CADPS2: variants seen among roughly 807,000 people sequenced by gnomAD.
The protein encoded by CADPS2 is calcium-dependent secretion activator 2.
Under a neutral mutation model 172.5 loss-of-function variants are expected in CADPS2, and 93 were observed. That is an observed-to-expected ratio of 0.54 (90% CI 0.46 to 0.64). The LOEUF is 0.64. Ranked by LOEUF, CADPS2 falls within the 30% of genes least tolerant of loss-of-function variation. The pLI is 0.00. For synonymous variants in CADPS2, 546 were observed against 555.2 expected, an observed-to-expected ratio of 0.98 and a Z score of 0.23; for missense variants, 1,420 against 1,565.9, an observed-to-expected ratio of 0.91 and a Z score of 1.57.
intron 1 of CADPS2, among the ~76,000 whole-genome samples, chr7:122,843,836 G>A (rs1258518952): frequency 1.3e-5 from 2 of 152,118 alleles, no homozygotes; most frequent in African/African-American, 2.4e-5. Context: ...TGGCAGGCAA[G>A]GGTCAACAGG....
chr7:122,866,507 C>G (rs930521961), intron 1 of CADPS2, among the ~76,000 whole-genome samples: 2 of 152,134 alleles, frequency 1.3e-5, no homozygotes, highest in African/African-American at 4.8e-5. Flanking sequence ...TCCAGATCAG[C>G]CTAGCCAACA....
intron 14 of CADPS2, among the ~76,000 whole-genome samples, chr7:122,456,695 G>T (rs951826577): frequency 2.0e-5 from 3 of 152,100 alleles, no homozygotes; most frequent in Non-Finnish European, 4.4e-5. Flanking sequence ...TGATCTTAAC[G>T]TCTGCCTGTG....
At chr7:122,456,324 G>A (rs2053771972) in intron 14 of CADPS2, among the ~76,000 whole-genome samples, 1 of 151,858 alleles carries the variant, frequency 6.6e-6, no homozygotes, top group Non-Finnish European at 1.5e-5. Context: ...TGTTAAGTGG[G>A]ACTTAACTCT....
intron 28 of CADPS2, among the ~76,000 whole-genome samples, chr7:122,334,752 A>G (rs1031645623): frequency 6.6e-6 from 1 of 152,214 alleles, no homozygotes; most frequent in African/African-American, 2.4e-5. Context: ...TTGAAACAGT[A>G]TTGACTTTCA....
At chr7:122,827,077 G>A (rs1805114990) in intron 1 of CADPS2, among the ~76,000 whole-genome samples, 1 of 152,096 alleles carries the variant, frequency 6.6e-6, no homozygotes, top group Non-Finnish European at 1.5e-5. Context: ...AAACACCAAT[G>A]TCAAGAATGA....
intron 3 of CADPS2, among the ~76,000 whole-genome samples, chr7:122,645,677 A>ATC (rs1342419811): frequency 2.4e-5 from 2 of 84,228 alleles, no homozygotes; most frequent in African/African-American, 8.3e-5. Context: ...ATATATATAT[A>ATC]TATATCTTGG....
intron 22 of CADPS2, among the ~76,000 whole-genome samples, chr7:122,391,824 T>C (rs1486470299): frequency 1.3e-5 from 2 of 152,146 alleles, no homozygotes; most frequent in East Asian, 1.9e-4. Flanking sequence ...GGTAGAAAAG[T>C]AGCAAGTTCT....
intron 6 of CADPS2, among the ~76,000 whole-genome samples, chr7:122,594,172 C>G (rs1048888200): frequency 6.6e-6 from 1 of 151,890 alleles, no homozygotes; most frequent in South Asian, 2.1e-4. Context: ...TAGCAGCACA[C>G]ATCTGTAATC....
At chr7:122,472,232 T>C (rs1037471760) in intron 13 of CADPS2, among the ~76,000 whole-genome samples, 3 of 152,038 alleles carry the variant, frequency 2.0e-5, no homozygotes, top group Non-Finnish European at 4.4e-5. Context: ...TGATGAATTA[T>C]ATGGATTTAT....
intron 2 of CADPS2, chr7:122,699,039 C>G: frequency 1.5e-6 from 1 of 685,440 alleles, no homozygotes; most frequent in East Asian, 2.8e-5. Flanking sequence ...TGTCTTCCAG[C>G]ATGTTTTTGT....
intron 6 of CADPS2, chr7:122,585,516 A>G (rs1231337713): frequency 6.6e-6 from 1 of 151,078 alleles, no homozygotes; most frequent in African/African-American, 2.4e-5. Flanking sequence ...GCCTACCTTC[A>G]ATATTCACCA....
chr7:122,447,836 A>G (rs2052499223), intron 15 of CADPS2, among the ~76,000 whole-genome samples: 1 of 152,032 alleles, frequency 6.6e-6, no homozygotes, highest in South Asian at 2.1e-4. Context: ...TACAAGTGTG[A>G]GCCACTGCAC....
intron 13 of CADPS2, among the ~76,000 whole-genome samples, chr7:122,471,926 G>GA (rs1257899730): frequency 6.6e-6 from 1 of 152,132 alleles, no homozygotes; most frequent in Non-Finnish European, 1.5e-5. Context: ...CATTATAGAT[G>GA]AAATTTCCTG....
intron 1 of CADPS2, among the ~76,000 whole-genome samples, chr7:122,760,873 T>C (rs1012324669): frequency 6.7e-6 from 1 of 150,328 alleles, no homozygotes; most frequent in Non-Finnish European, 1.5e-5. Context: ...AATGACGAGT[T>C]ACTGGGTGCA....
chr7:122,783,799 G>A (rs1159789885), intron 1 of CADPS2, among the ~76,000 whole-genome samples: 3 of 152,220 alleles, frequency 2.0e-5, no homozygotes, highest in African/African-American at 4.8e-5. Flanking sequence ...GACCACATGA[G>A]TAAGTGAGCT....
chr7:122,535,699 T>A (rs1018380117), intron 8 of CADPS2, among the ~76,000 whole-genome samples: 3 of 152,116 alleles, frequency 2.0e-5, no homozygotes, highest in Admixed American at 2.0e-4. Flanking sequence ...GGATTTTTGA[T>A]AATAACTCAT....
chr7:122,663,137 G>A, intron 3 of CADPS2, 100 bp downstream of exon 3: 2 of 869,848 alleles, frequency 2.3e-6, no homozygotes, highest in Non-Finnish European at 3.5e-6. Flanking sequence ...TCCAAGTAAA[G>A]TGATTATAGC....
chr7:122,343,269 A>G (rs896214650), intron 28 of CADPS2, among the ~76,000 whole-genome samples: 1 of 152,190 alleles, frequency 6.6e-6, no homozygotes, highest in Admixed American at 6.5e-5. Flanking sequence ...CCAGTGTTCT[A>G]CCGGGGATAT....
chr7:122,626,015 C>G (rs1587937140), intron 4 of CADPS2, among the ~76,000 whole-genome samples: 2 of 152,112 alleles, frequency 1.3e-5, no homozygotes, highest in African/African-American at 4.8e-5. Context: ...GGCCAAGACC[C>G]TGTGGCAAGG....
Sources: allele counts gnomAD v4.1 joint callset (sites outside exome capture counted in the v4.1 genomes callset), GRCh38; gene constraint gnomAD v4.1.1; transcripts MANE v1.5; gene names NCBI Gene and HGNC (gene_info 2026-07-23, HGNC 2026-07-21).